MYO18B: variants seen among roughly 807,000 people sequenced by gnomAD.
MYO18B encodes the protein unconventional myosin-XVIIIb.
Under a neutral mutation model 273.0 loss-of-function variants are expected in MYO18B, and 204 were observed. The observed-to-expected ratio is 0.75, with a 90% CI of 0.67 to 0.84. MYO18B has a LOEUF of 0.84. Ranked by LOEUF, MYO18B falls within the 40% of genes least tolerant of loss-of-function variation. The pLI is 0.00. For synonymous variants in MYO18B, 1,330 were observed against 1,305.7 expected, an observed-to-expected ratio of 1.02 and a Z score of -0.40; for missense variants, 3,212 against 3,287.6, an observed-to-expected ratio of 0.98 and a Z score of 0.56.
At chr22:25,791,907 C>T (rs561832254) in intron 11 of MYO18B, among the ~76,000 whole-genome samples, 2 of 152,192 alleles carry the variant, frequency 1.3e-5, no homozygotes, top group African/African-American at 4.8e-5. Flanking sequence ...GGTGAAGCTA[C>T]TTGCCCAAAG....
At chr22:25,746,555 C>T (rs1039080277) in intron 1 of MYO18B, among the ~76,000 whole-genome samples, 1 of 152,164 alleles carries the variant, frequency 6.6e-6, no homozygotes, top group African/African-American at 2.4e-5. Flanking sequence ...TTGTGACAAC[C>T]CAAAATGTCT....
In MYO18B at chr22:26,026,570, G is replaced by A. The variant is rs114927091; in HGVS notation, c.6596G>A (p.Arg2199Gln). ...CCTGTTTCTCCCCACTTTGTCCGCC[G>A]GCAAAAGTACTGTCATTTTGGGGAC... ...DKPVSPHFVR[R>Q]QKYCHFGDGE... The change falls in exon 43 of 44, where the codon CGG (arginine) becomes CAG (glutamine). Residue 2199 changes from arginine to glutamine, a missense_variant. Physicochemically the swap from Arg to Gln is conservative, Grantham distance 43 (BLOSUM62 1). Transcript: ENST00000335473. The A allele has an allele frequency of 5.2e-4, 839 of 1,613,838 alleles. 1 individual carries two copies. The African/African-American group carries it at 8.3e-3, about 16-fold the overall frequency.
In MYO18B at chr22:25,780,081, T is replaced by G; in HGVS notation, c.2094T>G (p.Thr698=). 1.3e-6 allele frequency: 2 copies of G among 1,596,678 alleles called. No individual in the cohort carries two copies. Among genetic ancestry groups the G allele is most frequent in the Non-Finnish European group, 1.7e-6 (2 of 1,172,902 alleles). ...TGGAGAAGATCCGAGCCACCTTCAC[T>G]GTCCTCCGGGCCTTCGGCTCTGTGT... is the stretch of plus-strand genomic sequence containing the variant. ...VSVEKIRATF[T]VLRAFGSVSM... Residue 698 remains threonine, a synonymous_variant, in exon 9 of 44, where the codon ACT becomes ACG. Coordinates refer to ENST00000335473, the MANE Select transcript of MYO18B (RefSeq NM_032608.7).
chr22:25,794,661 C>T (rs1405500602), intron 11 of MYO18B, among the ~76,000 whole-genome samples: 2 of 151,954 alleles, frequency 1.3e-5, no homozygotes, highest in African/African-American at 4.8e-5. Context: ...CCCGCCACTT[C>T]GCCCGGCTAA....
intron 1 of MYO18B, among the ~76,000 whole-genome samples, chr22:25,743,592 T>G (rs2085691756): frequency 6.7e-6 from 1 of 150,256 alleles, no homozygotes; most frequent in Non-Finnish European, 1.5e-5. Context: ...AAAGGCCAAG[T>G]GGGTGGAGGA....
intron 33 of MYO18B, among the ~76,000 whole-genome samples, chr22:25,916,829 C>G (rs753609960): frequency 3.3e-5 from 5 of 152,074 alleles, no homozygotes; most frequent in Non-Finnish European, 7.4e-5. Context: ...GTCAGGAGTT[C>G]GAGACCAGCC....
rs374848590 is a variant in MYO18B, at chr22:25,951,396, TAGAC to T, written c.5833-884_5833-881del. ...TGCGAGGTGAATTGAGACCAGTCCTTAGACAGACACATGCACACACACTCACACT... is the reference window on the plus strand; with the variant it reads ...TGCGAGGTGAATTGAGACCAGTCCTTAGACACATGCACACACACTCACACT... On this transcript the variant is annotated intron_variant, in intron 37 of 43. Coordinates refer to ENST00000335473, the MANE Select transcript of MYO18B (RefSeq NM_032608.7). 7.2e-3 allele frequency among the ~76,000 whole-genome samples: 1,103 copies of T among 152,300 alleles called. 6 individuals are homozygous for T. The highest frequency in any genetic ancestry group is 0.025 in the African/African-American group (1,038 of 41,554).
Position 26,026,849 on chromosome 22 carries a change from G to A in MYO18B, c.6875G>A (p.Gly2292Asp). The part of the protein sequence containing the change: ...QTTGASTLRR[G>D]RAGSDEGNLS... Reference sequence around the variant, plus strand: ...ACTGGGGCCTCCACACTAAGGAGGGGCAGGGCTGGCAGTGACGAGGGAAAC... The same window carrying A: ...ACTGGGGCCTCCACACTAAGGAGGGACAGGGCTGGCAGTGACGAGGGAAAC... The change falls in exon 43 of 44, where the codon GGC (glycine) becomes GAC (aspartate). Residue 2292 changes from glycine to aspartate, a missense_variant. Gly to Asp is a moderately conservative substitution (Grantham distance 94). Transcript: ENST00000335473. 6.3e-7 allele frequency: 1 copy of A among 1,592,930 alleles called. No homozygotes were observed. The highest frequency in any genetic ancestry group is 1.7e-5 in the Admixed American group (1 of 57,384).
intron 35 of MYO18B, 73 bp from the exon 36 acceptor site, chr22:25,947,639 G>A: frequency 8.9e-7 from 1 of 1,122,382 alleles, no homozygotes; most frequent in Non-Finnish European, 1.3e-6. Context: ...GCCCCTCTTT[G>A]CTCTTCCTCT....
intron 39 of MYO18B, among the ~76,000 whole-genome samples, chr22:25,979,394 AT>A (rs764745007): frequency 6.6e-6 from 1 of 152,188 alleles, no homozygotes; most frequent in Non-Finnish European, 1.5e-5. Context: ...TGGCACAGAT[AT>A]GTCATATTTG....
At chr22:25,989,127 T>G (rs73154155) in intron 39 of MYO18B, among the ~76,000 whole-genome samples, 2,410 of 152,204 alleles carry the variant, frequency 0.016, 17 homozygotes, top group Middle Eastern at 0.027. Flanking sequence ...GACACTGACA[T>G]GGGCAAGGTT....
At chr22:25,847,674 G>A (rs1401681695) in intron 20 of MYO18B, 22 bp downstream of exon 20, 6 of 1,522,584 alleles carry the variant, frequency 3.9e-6, no homozygotes, top group South Asian at 1.2e-5. Flanking sequence ...CTAGGACACA[G>A]CACCTTGTCT....
intron 17 of MYO18B, among the ~76,000 whole-genome samples, chr22:25,836,682 C>T (rs931515952): frequency 2.6e-5 from 4 of 152,010 alleles, no homozygotes; most frequent in Admixed American, 1.3e-4. Flanking sequence ...ATGTAGTGGC[C>T]GGGCGCAGTG....
chr22:25,919,614 G>A (rs937765447), intron 33 of MYO18B, among the ~76,000 whole-genome samples: 1 of 152,128 alleles, frequency 6.6e-6, no homozygotes, highest in Non-Finnish European at 1.5e-5. Context: ...GCAATAACGT[G>A]ACAAAGAGCC....
intron 33 of MYO18B, among the ~76,000 whole-genome samples, chr22:25,916,098 A>G (rs2092257107): frequency 6.6e-6 from 1 of 152,156 alleles, no homozygotes; most frequent in African/African-American, 2.4e-5. Context: ...GACATTTATT[A>G]TTTCATCTAA....
chr22:26,003,150 C>T, intron 40 of MYO18B, 115 bp from the exon 41 acceptor site: 2 of 941,368 alleles, frequency 2.1e-6, no homozygotes, highest in Non-Finnish European at 3.4e-6. Flanking sequence ...TGAGATCACA[C>T]AGGGGCAAAG....
chr22:25,923,131 TC>T lies in MYO18B; in HGVS notation c.5517+1723del, dbSNP rs545030436. 5.8e-4 allele frequency among the ~76,000 whole-genome samples: 88 copies of T among 152,328 alleles called. No individual in the cohort carries two copies. In the South Asian group the frequency reaches 0.018, roughly 31 times the overall value. ...TCTTCTAATCTGGGTTTGATGGTTT[TC>T]TCATGAATAGAGCGAGTTTATGTGC... On this transcript the variant is annotated intron_variant, in intron 34 of 43. Transcript: ENST00000335473.
At chr22:25,849,758 T>G (rs2090367952) in intron 20 of MYO18B, among the ~76,000 whole-genome samples, 1 of 152,214 alleles carries the variant, frequency 6.6e-6, no homozygotes, top group Non-Finnish European at 1.5e-5. Context: ...TGTCCTCTCC[T>G]ATAATAGCTC....
rs2093278628 is a variant in MYO18B at position 25,992,344 on chromosome 22, T to G, written c.6157-19T>G. ...TTTCTTGCCCAAGGCCAACGTGTGT[T>G]TGCATCTTCTGTCCCCAGGAGAAGT... On this transcript the variant is annotated intron_variant, in intron 39 of 43. Coordinates refer to ENST00000335473, the MANE Select transcript of MYO18B (RefSeq NM_032608.7). The G allele has an allele frequency of 1.9e-6, 3 of 1,612,910 alleles. No homozygotes were observed. Among genetic ancestry groups the G allele is most frequent in the Non-Finnish European group, 2.5e-6 (3 of 1,179,034 alleles).
Sources: gnomAD v4.1 joint callset for allele counts (sites outside exome capture counted in the v4.1 genomes callset) on GRCh38, gnomAD v4.1.1 for gene constraint, MANE v1.5 for transcripts, NCBI Gene and HGNC (gene_info 2026-07-23, HGNC 2026-07-21) for gene names.